Variants in CIMAP3 observed in about 807,000 individuals in gnomAD.
The protein encoded by CIMAP3 is ciliary microtubule associated protein 3.
At chr1:111,329,821 T>C in the CIMAP3 span, among the ~76,000 whole-genome samples, 1 of 152,232 alleles carries the variant, frequency 6.6e-6, no homozygotes, top group African/African-American at 2.4e-5. Flanking sequence ...CCCAAAGTGC[T>C]GAGATTACAG....
At chr1:111,338,646 T>G in the CIMAP3 span, among the ~76,000 whole-genome samples, 4 of 152,200 alleles carry the variant, frequency 2.6e-5, no homozygotes, top group South Asian at 6.2e-4. Context: ...CTCCCGAGAC[T>G]AAACCAGGAA....
the CIMAP3 span, among the ~76,000 whole-genome samples, chr1:111,339,964 G>A: frequency 2.0e-5 from 3 of 151,576 alleles, no homozygotes; most frequent in African/African-American, 7.3e-5. Context: ...TATACTACAA[G>A]GCTCCAGTAA....
the CIMAP3 span, among the ~76,000 whole-genome samples, chr1:111,338,995 G>C: frequency 6.6e-6 from 1 of 152,256 alleles, no homozygotes; most frequent in Middle Eastern, 3.4e-3. Context: ...ACATCAAAAA[G>C]CTTATCCACC....
the CIMAP3 span, among the ~76,000 whole-genome samples, chr1:111,350,899 C>A: frequency 6.6e-6 from 1 of 152,148 alleles, no homozygotes; most frequent in Non-Finnish European, 1.5e-5. Context: ...CCTAGTGGAA[C>A]TTTTCATTAA....
chr1:111,336,715 G>A, the CIMAP3 span, among the ~76,000 whole-genome samples: 483 of 152,298 alleles, frequency 3.2e-3, 2 homozygotes, highest in Non-Finnish European at 5.1e-3. Flanking sequence ...CCGAATCTTC[G>A]TCTGATTGGT....
chr1:111,336,333 A>G, the CIMAP3 span, among the ~76,000 whole-genome samples: 1,198 of 152,342 alleles, frequency 7.9e-3, 16 homozygotes, highest in African/African-American at 0.027. Context: ...CACCAGCAAT[A>G]GAACAAAGCT....
At chr1:111,346,884 C>A in the CIMAP3 span, 1 of 1,610,610 alleles carries the variant, frequency 6.2e-7, no homozygotes, top group Non-Finnish European at 8.5e-7. Flanking sequence ...CCGTCCCTCA[C>A]GTGGAGCCTC....
At chr1:111,338,018 A>T in the CIMAP3 span, among the ~76,000 whole-genome samples, 5 of 149,818 alleles carry the variant, frequency 3.3e-5, no homozygotes, top group Non-Finnish European at 3.0e-5. Context: ...AGTGCAATCA[A>T]ACTAGAACTC....
the CIMAP3 span, chr1:111,351,325 T>C: frequency 1.9e-6 from 3 of 1,573,700 alleles, no homozygotes; most frequent in Non-Finnish European, 2.6e-6. Flanking sequence ...GTATTATAAT[T>C]GAGCGGCTGT....
the CIMAP3 span, chr1:111,346,882 C>G: frequency 1.2e-6 from 2 of 1,609,902 alleles, no homozygotes; most frequent in Non-Finnish European, 1.7e-6. Flanking sequence ...TGCCGTCCCT[C>G]ACGTGGAGCC....
chr1:111,350,711 G>A, the CIMAP3 span, among the ~76,000 whole-genome samples: 1 of 152,170 alleles, frequency 6.6e-6, no homozygotes, highest in Non-Finnish European at 1.5e-5. Context: ...GTGTAATCTT[G>A]AGCAAATCTT....
chr1:111,348,961 A>G, the CIMAP3 span: 2 of 206,500 alleles, frequency 9.7e-6, no homozygotes, highest in African/African-American at 4.7e-5. Context: ...GAGCACAGGC[A>G]AATACACAAG....
At chr1:111,338,976 T>C in the CIMAP3 span, among the ~76,000 whole-genome samples, 1 of 152,126 alleles carries the variant, frequency 6.6e-6, no homozygotes. Context: ...GCAAACCAAA[T>C]CCAGCAGCAC....
chr1:111,324,948 T>G, the CIMAP3 span: 1 of 875,502 alleles, frequency 1.1e-6, no homozygotes, highest in Non-Finnish European at 1.4e-6. Context: ...AGCATTGGAG[T>G]CTAACTGGAA....
chr1:111,347,078 C>T, the CIMAP3 span: 1 of 1,561,612 alleles, frequency 6.4e-7, no homozygotes, highest in East Asian at 2.3e-5. Flanking sequence ...TTAGATGCTC[C>T]TCAGTTCCCC....
At chr1:111,329,228 T>G in the CIMAP3 span, among the ~76,000 whole-genome samples, 1 of 152,084 alleles carries the variant, frequency 6.6e-6, no homozygotes, top group South Asian at 2.1e-4. Flanking sequence ...GTTAGCCTCA[T>G]GGAGTACCCT....
At chr1:111,346,831 C>A in the CIMAP3 span, 1 of 1,586,084 alleles carries the variant, frequency 6.3e-7, no homozygotes, top group Non-Finnish European at 8.6e-7. Context: ...GCTCAGTCTC[C>A]CCGACCTTCC....
At chr1:111,336,285 A>G in the CIMAP3 span, among the ~76,000 whole-genome samples, 3 of 152,204 alleles carry the variant, frequency 2.0e-5, no homozygotes, top group South Asian at 4.1e-4. Context: ...ACTCTAAAAA[A>G]CGGAGCACCT....
the CIMAP3 span, among the ~76,000 whole-genome samples, chr1:111,339,198 C>T: frequency 2.0e-5 from 3 of 151,686 alleles, no homozygotes; most frequent in South Asian, 2.1e-4. Flanking sequence ...ATTCATGGGA[C>T]GTATCTCAAA....
Sources: allele counts gnomAD v4.1 joint callset (sites outside exome capture counted in the v4.1 genomes callset), GRCh38; gene constraint gnomAD v4.1.1; transcripts MANE v1.5; gene names NCBI Gene and HGNC (gene_info 2026-07-23, HGNC 2026-07-21).